The following ERLIN2 variants were observed in gnomAD, a reference collection of about 807,000 sequenced individuals.
The protein encoded by ERLIN2 is ER lipid raft associated 2.
ERLIN2 carries 22 observed loss-of-function variants against 41.5 expected under a neutral mutation model. The ratio of observed to expected loss-of-function variants is 0.53; its 90% confidence interval spans 0.38 to 0.76. ERLIN2 has a LOEUF of 0.76. Ranked by LOEUF, ERLIN2 falls within the 30% of genes least tolerant of loss-of-function variation. The pLI is 0.00. For synonymous variants in ERLIN2, 149 were observed against 150.9 expected (o/e 0.99, Z 0.09); for missense variants, 247 against 414.3 (o/e 0.60, Z 3.51).
chr8:37,754,391 T>C lies in ERLIN2; in HGVS notation c.*276T>C, dbSNP rs1011242883. 18 of 433,902 alleles carry C rather than the reference T, an allele frequency of 4.1e-5. No homozygotes were observed. The highest frequency in any genetic ancestry group is 3.4e-4 in the African/African-American group (17 of 49,742). The allele number at this position is 433,902 out of a possible 1,614,324, so 26.9% of individuals were successfully genotyped here. On this transcript the variant is annotated 3_prime_UTR_variant, in exon 12 of 12. Coordinates refer to ENST00000519638, the MANE Select transcript of ERLIN2 (RefSeq NM_007175.8). ...GACCTCTAGACACTAATTTTATCCTTTGAGGCTGGCTTAATTAGGGATGCT... is the reference window on the plus strand; with the variant it reads ...GACCTCTAGACACTAATTTTATCCTCTGAGGCTGGCTTAATTAGGGATGCT...
At chr8:37,752,175 A>G (rs1196765388) in intron 10 of ERLIN2, among the ~76,000 whole-genome samples, 1 of 152,202 alleles carries the variant, frequency 6.6e-6, no homozygotes, top group Admixed American at 6.5e-5. Flanking sequence ...GGTTTGAAGA[A>G]GACAGATTTT....
intron 1 of ERLIN2, chr8:37,737,471 G>A (rs931949164): frequency 9.6e-6 from 2 of 207,284 alleles, no homozygotes; most frequent in African/African-American, 4.6e-5. Context: ...ATTAGGAGTG[G>A]GAGACTCTGA....
intron 11 of ERLIN2, 28 bp from the exon 12 acceptor site, chr8:37,753,887 T>A: frequency 6.3e-7 from 1 of 1,591,944 alleles, no homozygotes; most frequent in Non-Finnish European, 8.6e-7. Flanking sequence ...TCAACATAAG[T>A]CTTCCATACT....
intron 11 of ERLIN2, 24 bp from the exon 12 acceptor site, chr8:37,753,891 C>T: frequency 6.4e-7 from 1 of 1,567,644 alleles, no homozygotes; most frequent in Middle Eastern, 1.7e-4. Context: ...CATAAGTCTT[C>T]CATACTTTTT....
chr8:37,752,857 C>T (rs1418352772), intron 10 of ERLIN2, among the ~76,000 whole-genome samples: 1 of 152,218 alleles, frequency 6.6e-6, no homozygotes, highest in African/African-American at 2.4e-5. Context: ...CTCTCAGAAT[C>T]GCGCCAGCTT....
At chr8:37,747,451 A>G (rs1475368778) in intron 6 of ERLIN2, 7 of 1,611,920 alleles carry the variant, frequency 4.3e-6, no homozygotes, top group Middle Eastern at 1.7e-4. Flanking sequence ...CTGTTTTTCA[A>G]TCACTTTGGC....
intron 10 of ERLIN2, among the ~76,000 whole-genome samples, chr8:37,752,189 C>T (rs1021360068): frequency 6.6e-6 from 1 of 152,226 alleles, no homozygotes; most frequent in African/African-American, 2.4e-5. Flanking sequence ...AGATTTTCAG[C>T]ACCTGTCAGA....
intron 3 of ERLIN2, 103 bp downstream of exon 3, chr8:37,740,549 C>G (rs776283918): frequency 7.4e-5 from 49 of 665,480 alleles, no homozygotes; most frequent in Non-Finnish European, 1.4e-4. Flanking sequence ...AAATGCCATT[C>G]TAGAGAATGA....
chr8:37,753,339 C>A (rs774329942), intron 10 of ERLIN2, 111 bp from the exon 11 acceptor site: 10 of 831,038 alleles, frequency 1.2e-5, no homozygotes, highest in Non-Finnish European at 1.8e-5. Flanking sequence ...CAGAGGCAAT[C>A]AGGGGCGAAG....
At chr8:37,752,669 A>G (rs1803249634) in intron 10 of ERLIN2, among the ~76,000 whole-genome samples, 4 of 152,192 alleles carry the variant, frequency 2.6e-5, no homozygotes, top group African/African-American at 7.2e-5. Context: ...GTTGCTACAT[A>G]TATTACTCAC....
At chr8:37,737,815 C>T (rs371483545) in intron 1 of ERLIN2, 93 bp from the exon 2 acceptor site, 1 of 1,498,344 alleles carries the variant, frequency 6.7e-7, no homozygotes, top group Non-Finnish European at 9.2e-7. Flanking sequence ...ATGAGTCACT[C>T]GCAGGGAGCT....
chr8:37,745,882 T>G, intron 6 of ERLIN2: 1 of 1,256,012 alleles, frequency 8.0e-7, no homozygotes, highest in South Asian at 2.2e-5. Context: ...TTATAAAATA[T>G]TAATTTTCTC....
At chr8:37,747,677 G>A (rs746247391) in intron 6 of ERLIN2, 1 of 1,597,762 alleles carries the variant, frequency 6.3e-7, no homozygotes, top group Non-Finnish European at 8.6e-7. Context: ...AAGGTAACGG[G>A]AGCATTCTTC....
chr8:37,744,364 G>A lies in ERLIN2; in HGVS notation c.246G>A (p.Val82=), dbSNP rs1802960931. Residue 82 remains valine (V), a synonymous_variant, in exon 5 of 12, where the codon GTG becomes GTA. Coordinates refer to ENST00000519638, the MANE Select transcript of ERLIN2 (RefSeq NM_007175.8). ...KNVPCGTSGG[V]MIYFDRIEVV... ...ATTCTCCCTCCAATAGTGGTGGTGT[G>A]ATGATCTACTTTGACAGAATTGAAG... is the stretch of plus-strand genomic sequence containing the variant. 1.2e-6 allele frequency: 2 copies of A among 1,613,946 alleles called. No individual in the cohort carries two copies. The highest frequency in any genetic ancestry group is 2.2e-5 in the East Asian group (1 of 44,884).
chr8:37,753,246 T>A (rs530967201), intron 10 of ERLIN2, among the ~76,000 whole-genome samples: 3 of 152,254 alleles, frequency 2.0e-5, no homozygotes, highest in Non-Finnish European at 4.4e-5. Context: ...CACTTTTTCA[T>A]CTTAGTTGAT....
At chr8:37,752,835 G>A (rs1263777785) in intron 10 of ERLIN2, among the ~76,000 whole-genome samples, 1 of 152,216 alleles carries the variant, frequency 6.6e-6, no homozygotes, top group East Asian at 1.9e-4. Flanking sequence ...CTGGACCATG[G>A]CGTGTAATTC....
At position 37,751,640 on chromosome 8, in the gene ERLIN2, GC is replaced by G; in HGVS notation, c.667del (p.Gln223ArgfsTer11). 4.3e-6 allele frequency: 7 copies of G among 1,613,590 alleles called. No homozygotes were observed. Among genetic ancestry groups the G allele is most frequent in the Non-Finnish European group, 5.9e-6 (7 of 1,179,510 alleles). On this transcript the variant is annotated frameshift_variant, in exon 10 of 12. Coordinates refer to ENST00000519638, the MANE Select transcript of ERLIN2 (RefSeq NM_007175.8). LOFTEE classifies it high-confidence loss of function. ...KKALIEAEKV[A>X]QVAEITYGQK... ...CATTTATTCAGAGGCAGAAAAAGTGGCCCAGGTGGCTGAGATCACCTACGGG... is the reference window on the plus strand; with the variant it reads ...CATTTATTCAGAGGCAGAAAAAGTGGCCAGGTGGCTGAGATCACCTACGGG...
At chr8:37,745,245 A>G in intron 6 of ERLIN2, 1 of 462,184 alleles carries the variant, frequency 2.2e-6, no homozygotes, top group Non-Finnish European at 3.8e-6. Flanking sequence ...AGTTAATTCT[A>G]GAAGTGAGAT....
At position 37,753,973 on chromosome 8, in the gene ERLIN2, G is replaced by A. The variant is rs771748180; in HGVS notation, c.878G>A (p.Ser293Asn). Residue 293 changes from serine to asparagine, a missense_variant, in exon 12 of 12, where the codon AGC becomes AAC. Transcript: ENST00000519638. ...AAGTACAAGGCCATTGCTTCCAACA[G>A]CAAGATTTACTTTGGCAAAGACATT... ...LMKYKAIASN[S>N]KIYFGKDIPN... The A allele has an allele frequency of 5.0e-6, 8 of 1,613,432 alleles. No homozygotes were observed. The highest frequency in any genetic ancestry group is 6.8e-6 in the Non-Finnish European group (8 of 1,179,830).
Sources: allele counts gnomAD v4.1 joint callset (sites outside exome capture counted in the v4.1 genomes callset), GRCh38; gene constraint gnomAD v4.1.1; transcripts MANE v1.5; gene names NCBI Gene and HGNC (gene_info 2026-07-23, HGNC 2026-07-21).